The following RUNX2 variants were observed in gnomAD, a reference collection of about 807,000 sequenced individuals.
RUNX2 encodes runt-related transcription factor 2.
RUNX2 carries 10 observed loss-of-function variants against 51.7 expected under a neutral mutation model. The observed-to-expected ratio is 0.19, with a 90% CI of 0.12 to 0.33. The LOEUF (loss-of-function observed/expected upper bound fraction) is 0.33, where lower values mean the gene tolerates loss of function less well. Ranked by LOEUF, RUNX2 falls within the 10% of genes least tolerant of loss-of-function variation. The pLI is 1.00. For missense variants in RUNX2, 562 were observed against 691.3 expected, an observed-to-expected ratio of 0.81 and a Z score of 2.10; for synonymous variants, 276 against 273.6, an observed-to-expected ratio of 1.01 and a Z score of -0.09.
intron 5 of RUNX2, among the ~76,000 whole-genome samples, chr6:45,459,850 T>C (rs540567709): frequency 2.6e-5 from 4 of 152,164 alleles, no homozygotes; most frequent in African/African-American, 7.2e-5. Flanking sequence ...TGGGGCAACA[T>C]TTGAGCGGAG....
intron 2 of RUNX2, among the ~76,000 whole-genome samples, chr6:45,379,992 G>A (rs1797201228): frequency 6.6e-6 from 1 of 152,220 alleles, no homozygotes; most frequent in South Asian, 2.1e-4. Context: ...TTGGGCTGTT[G>A]GCAGAGATCT....
chr6:45,403,821 T>C (rs2150353305), intron 2 of RUNX2, among the ~76,000 whole-genome samples: 1 of 152,204 alleles, frequency 6.6e-6, no homozygotes, highest in Non-Finnish European at 1.5e-5. Context: ...TGTAATTATA[T>C]ATCAAATGGT....
chr6:45,425,922 G>C (rs559851740), intron 3 of RUNX2, among the ~76,000 whole-genome samples: 2 of 152,112 alleles, frequency 1.3e-5, no homozygotes, highest in South Asian at 2.1e-4. Context: ...CTTATTTGTT[G>C]TGAAGTCTGA....
intron 5 of RUNX2, among the ~76,000 whole-genome samples, chr6:45,444,629 T>C (rs929280114): frequency 1.3e-5 from 2 of 152,242 alleles, no homozygotes; most frequent in African/African-American, 4.8e-5. Context: ...TATTTTCTTT[T>C]CCTGTTTGCT....
chr6:45,511,095 G>C (rs1801128989), intron 6 of RUNX2, among the ~76,000 whole-genome samples: 1 of 152,132 alleles, frequency 6.6e-6, no homozygotes, highest in South Asian at 2.1e-4. Context: ...AGAGAAATTT[G>C]GTTATGATTT....
intron 2 of RUNX2, among the ~76,000 whole-genome samples, chr6:45,406,464 G>T (rs1166252943): frequency 6.6e-6 from 1 of 152,090 alleles, no homozygotes; most frequent in Non-Finnish European, 1.5e-5. Context: ...ACCCAGGCTG[G>T]GGTGCAATGG....
chr6:45,430,491 G>T (rs942018830), intron 3 of RUNX2, among the ~76,000 whole-genome samples: 4 of 152,160 alleles, frequency 2.6e-5, no homozygotes, highest in Non-Finnish European at 2.9e-5. Context: ...TTGTTTTCCT[G>T]GCTGGAGGAG....
intron 5 of RUNX2, among the ~76,000 whole-genome samples, chr6:45,458,079 T>G (rs1478055596): frequency 6.8e-6 from 1 of 147,130 alleles, no homozygotes; most frequent in African/African-American, 2.6e-5. Flanking sequence ...GAGGCTGGAG[T>G]GCAATGGCGC....
chr6:45,541,859 T>A (rs1162364105), intron 7 of RUNX2, among the ~76,000 whole-genome samples: 1 of 152,232 alleles, frequency 6.6e-6, no homozygotes, highest in African/African-American at 2.4e-5. Context: ...TTCCAATTTC[T>A]TTTTTGTTCT....
chr6:45,381,943 A>G (rs1797248620), intron 2 of RUNX2, among the ~76,000 whole-genome samples: 1 of 152,230 alleles, frequency 6.6e-6, no homozygotes, highest in East Asian at 1.9e-4. Context: ...AATTGTAATC[A>G]TGATCATCCT....
At chr6:45,375,341 G>T (rs1295243148) in intron 2 of RUNX2, among the ~76,000 whole-genome samples, 1 of 152,046 alleles carries the variant, frequency 6.6e-6, no homozygotes, top group Non-Finnish European at 1.5e-5. Context: ...TAGTGAAAGG[G>T]GTTCTATTAA....
intron 2 of RUNX2, among the ~76,000 whole-genome samples, chr6:45,409,719 A>G (rs1466460493): frequency 6.6e-6 from 1 of 152,224 alleles, no homozygotes; most frequent in African/African-American, 2.4e-5. Context: ...TTTTAAAAGG[A>G]TAGAAAATTC....
intron 5 of RUNX2, among the ~76,000 whole-genome samples, chr6:45,477,526 G>A (rs1257776650): frequency 6.6e-6 from 1 of 152,032 alleles, no homozygotes; most frequent in Non-Finnish European, 1.5e-5. Flanking sequence ...TACCAGTTTT[G>A]AGTGCCCTAC....
intron 7 of RUNX2, among the ~76,000 whole-genome samples, chr6:45,534,036 A>G (rs887405765): frequency 7.2e-5 from 11 of 151,824 alleles, no homozygotes; most frequent in African/African-American, 2.7e-4. Flanking sequence ...CTGGGACTAC[A>G]GGTGCCCGCC....
chr6:45,389,046 A>G (rs1797417291), intron 2 of RUNX2, among the ~76,000 whole-genome samples: 1 of 152,224 alleles, frequency 6.6e-6, no homozygotes, highest in Admixed American at 6.5e-5. Context: ...ATTTTAAATT[A>G]TCCTCCAACA....
intron 2 of RUNX2, among the ~76,000 whole-genome samples, chr6:45,411,362 A>AT (rs890053922): frequency 7.1e-4 from 108 of 151,542 alleles, no homozygotes; most frequent in Non-Finnish European, 1.1e-3. Context: ...CTTGCCAACA[A>AT]TTTTTTTTTC....
intron 7 of RUNX2, among the ~76,000 whole-genome samples, chr6:45,530,926 T>C (rs1801821537): frequency 6.6e-6 from 1 of 152,238 alleles, no homozygotes; most frequent in Admixed American, 6.5e-5. Flanking sequence ...TAGCAAGACT[T>C]AATATTAATA....
At chr6:45,424,080 G>C (rs1326203970) in intron 3 of RUNX2, among the ~76,000 whole-genome samples, 21 of 152,262 alleles carry the variant, frequency 1.4e-4, no homozygotes. Context: ...GCCTGAGCAC[G>C]GAGTGAGCTC....
intron 2 of RUNX2, chr6:45,365,147 C>G (rs1794911953): frequency 9.1e-7 from 1 of 1,097,760 alleles, no homozygotes; most frequent in Non-Finnish European, 1.3e-6. Context: ...TATTGTCTTT[C>G]AACATGAATA....
Sources: allele counts gnomAD v4.1 joint callset (sites outside exome capture counted in the v4.1 genomes callset), GRCh38; gene constraint gnomAD v4.1.1; transcripts MANE v1.5; gene names NCBI Gene and HGNC (gene_info 2026-07-23, HGNC 2026-07-21).